PRDM4: variants seen among roughly 807,000 people sequenced by gnomAD.
PRDM4 encodes the protein PR/SET domain 4.
PRDM4 carries 38 observed loss-of-function variants against 62.3 expected under a neutral mutation model. That is an observed-to-expected ratio of 0.61 (90% CI 0.47 to 0.80). The LOEUF (loss-of-function observed/expected upper bound fraction) is 0.80, where lower values mean the gene tolerates loss of function less well. PRDM4 is among the 30% of genes least tolerant of loss of function. The pLI, the probability that PRDM4 is intolerant of heterozygous loss-of-function variation, is 0.00. For synonymous variants in PRDM4, 339 were observed against 348.2 expected (o/e 0.97, Z 0.30); for missense variants, 858 against 997.1 (o/e 0.86, Z 1.88).
chr12:107,739,449 C>T lies in PRDM4; in HGVS notation c.2027G>A (p.Cys676Tyr). ...CATAAACAACTTGTCACAGTAATCA[C>T]ACTTAAGATTCTTCTCCCCAGTGTG... ...VIHTGEKNLK[C>Y]DYCDKLFMRR... Residue 676 changes from cysteine to tyrosine, a missense_variant, in exon 11 of 12, where the codon TGT becomes TAT. Physicochemically the swap from Cys to Tyr is radical, Grantham distance 194 (BLOSUM62 -2). Transcript: ENST00000228437. The T allele has an allele frequency of 6.2e-7, 1 of 1,613,958 alleles. No individual in the cohort carries two copies. Among genetic ancestry groups the T allele is most frequent in the Non-Finnish European group, 8.5e-7 (1 of 1,179,858 alleles).
chr12:107,747,797 C>T (rs1216841505), intron 5 of PRDM4, among the ~76,000 whole-genome samples: 1 of 151,924 alleles, frequency 6.6e-6, no homozygotes, highest in African/African-American at 2.4e-5. Context: ...ATCTATCTGT[C>T]TTTTCTTTTT....
Position 107,746,296 on chromosome 12 carries a change from A to G in PRDM4, c.1255T>C (p.Ser419Pro). The change falls in exon 6 of 12, where the codon TCA becomes CCA. Residue 419 changes from serine (S) to proline (P), a missense_variant. Transcript: ENST00000228437. The stretch of plus-strand genomic sequence containing the variant: ...TTACCAACTTCTGCTCCCACAATTG[A>G]CTGACGGAGAACAAGCTGCTTTGGG... ...SLPKQLVLRQ[S>P]IVGAEVGVWT... 6.2e-7 allele frequency: 1 copy of G among 1,613,954 alleles called. No individual in the cohort carries two copies. The highest frequency in any genetic ancestry group is 8.5e-7 in the Non-Finnish European group (1 of 1,179,960).
rs1212476076 is a variant in PRDM4, at chr12:107,733,605, T to C, written c.*605A>G. The C allele has an allele frequency of 4.6e-5, 7 of 152,570 alleles. No individual in the cohort carries two copies. The highest frequency in any genetic ancestry group is 4.6e-4 in the Admixed American group (7 of 15,288). The allele number at this position is 152,570 out of a possible 1,614,324, so 9.5% of individuals were successfully genotyped here. A position where few individuals can be genotyped will look rare whatever the true frequency, so the allele number is the denominator to read the frequency against. On this transcript the variant is annotated 3_prime_UTR_variant, in exon 12 of 12. Transcript: ENST00000228437. ...CTACTGACTGACTGCTGCTTTTTTA[T>C]TTGCCCTCCAGGCACCTGCCGAAAC...
chr12:107,748,534 G>A (rs564999405), intron 5 of PRDM4, among the ~76,000 whole-genome samples: 2 of 152,322 alleles, frequency 1.3e-5, no homozygotes, highest in African/African-American at 4.8e-5. Flanking sequence ...CTACAACATG[G>A]ATGAGACAGA....
intron 3 of PRDM4, 64 bp downstream of exon 3, chr12:107,756,768 A>G (rs369476747): frequency 1.3e-6 from 2 of 1,586,268 alleles, no homozygotes; most frequent in East Asian, 2.2e-5. Context: ...TCTCTTCTAG[A>G]CTCCATTTAG....
intron 11 of PRDM4, among the ~76,000 whole-genome samples, chr12:107,737,233 T>G (rs1890362609): frequency 6.6e-6 from 1 of 151,948 alleles, no homozygotes; most frequent in Non-Finnish European, 1.5e-5. Flanking sequence ...GCTGTAGCTG[T>G]TTTTTTTAAG....
intron 4 of PRDM4, 93 bp from the exon 5 acceptor site, chr12:107,752,302 A>T: frequency 1.1e-6 from 1 of 872,868 alleles, no homozygotes; most frequent in South Asian, 1.7e-5. Context: ...AACATAACTA[A>T]GTTCAAATAA....
Position 107,740,936 on chromosome 12 carries a change from C to G in PRDM4, c.1924+10G>C. 1 of 1,605,434 alleles carries G rather than the reference C, an allele frequency of 6.2e-7. No homozygotes were observed. Among genetic ancestry groups the G allele is most frequent in the Non-Finnish European group, 8.5e-7 (1 of 1,174,020 alleles). ...CAAAAATTCCATTCTGATGGGCCAA[C>G]ACAACTTACCTGTATGTATCTTGAG... On this transcript the variant is annotated intron_variant, in intron 10 of 11. Transcript: ENST00000228437.
At position 107,743,264 on chromosome 12, in the gene PRDM4, G is replaced by A; in HGVS notation, c.1414C>T (p.Leu472=). 1 of 1,612,548 alleles carries A rather than the reference G, an allele frequency of 6.2e-7. No homozygotes were observed. The highest frequency in any genetic ancestry group is 8.5e-7 in the Non-Finnish European group (1 of 1,178,726). ...HIWKIYHNGV[L]EFCIITTDEN... The stretch of plus-strand genomic sequence containing the variant: ...TCAGTTGTAATGATGCAGAATTCTA[G>A]GACACCATTGTGGTATATCTGCCAA... The change falls in exon 8 of 12, where the codon CTA becomes TTA. Residue 472 remains leucine (L), a synonymous_variant. Transcript: ENST00000228437.
Position 107,753,991 on chromosome 12 carries a change from T to C in PRDM4, c.264A>G (p.Arg88=), listed in dbSNP as rs901940035. Residue 88 remains arginine (R), a synonymous_variant, in exon 4 of 12, where the codon AGA becomes AGG. Coordinates refer to ENST00000228437, the MANE Select transcript of PRDM4 (RefSeq NM_012406.4). The part of the protein sequence containing the change: ...DRGVMCGLPE[R]NYTLPPPPYP... ...AAGGTGGTGGAGGTAGGGTGTAGTT[T>C]CTTTCAGGTAACCCACACATCACCC... is the stretch of plus-strand genomic sequence containing the variant. 1 of 1,614,150 alleles carries C rather than the reference T, an allele frequency of 6.2e-7. No homozygotes were observed. Among genetic ancestry groups the C allele is most frequent in the Non-Finnish European group, 8.5e-7 (1 of 1,180,018 alleles).
intron 5 of PRDM4, among the ~76,000 whole-genome samples, chr12:107,748,608 T>C (rs1279813972): frequency 1.3e-5 from 2 of 152,214 alleles, no homozygotes; most frequent in African/African-American, 2.4e-5. Context: ...ATTCCATTTA[T>C]ATGAAATATC....
chr12:107,738,573 C>T (rs1378445364), intron 11 of PRDM4: 1 of 152,180 alleles, frequency 6.6e-6, no homozygotes, highest in Non-Finnish European at 1.5e-5. Context: ...CTAAGGACAA[C>T]AAAATCCATC....
intron 8 of PRDM4, 112 bp downstream of exon 8, chr12:107,743,085 G>T: frequency 1.2e-6 from 1 of 860,228 alleles, no homozygotes; most frequent in South Asian, 1.6e-5. Flanking sequence ...CTTTAAGTAT[G>T]TCCAGGTGTT....
chr12:107,734,013 T>G lies in PRDM4; in HGVS notation c.*197A>C. ...CCACCACTTAAAACAGGACACATGC[T>G]CAGTTTTCCCAATCTGTTTTAAAGT... is the stretch of plus-strand genomic sequence containing the variant. On this transcript the variant is annotated 3_prime_UTR_variant, in exon 12 of 12. Transcript: ENST00000228437. 1.7e-6 allele frequency: 1 copy of G among 572,562 alleles called. No homozygotes were observed. Among genetic ancestry groups the G allele is most frequent in the Non-Finnish European group, 3.0e-6 (1 of 337,708 alleles). The allele number at this position is 572,562 out of a possible 1,614,324, so 35.5% of individuals were successfully genotyped here.
At chr12:107,749,476 T>A (rs1193107619) in intron 5 of PRDM4, among the ~76,000 whole-genome samples, 1 of 151,588 alleles carries the variant, frequency 6.6e-6, no homozygotes, top group Non-Finnish European at 1.5e-5. Context: ...TCAAATGATC[T>A]TTCTGCCTCA....
Position 107,752,212 on chromosome 12 carries a change from G to A in PRDM4, c.332-3C>T, listed in dbSNP as rs377053902. On this transcript the variant is annotated splice_region_variant and splice_polypyrimidine_tract_variant and intron_variant, in intron 4 of 11. Transcript: ENST00000228437. ...GTCAGCTAAATAAGATAAAATGCCT[G>A]AGAAAAGGAAAAGATGAGATATCAG... 1.9e-4 allele frequency: 290 copies of A among 1,553,646 alleles called. 1 individual carries two copies. The Middle Eastern group carries it at 2.9e-3, about 15-fold the overall frequency.
chr12:107,742,010 C>T (rs904451694), intron 9 of PRDM4, among the ~76,000 whole-genome samples: 4 of 152,212 alleles, frequency 2.6e-5, no homozygotes, highest in South Asian at 2.1e-4. Flanking sequence ...CATAAAAGAC[C>T]GTATCATATG....
Position 107,746,486 on chromosome 12 carries a change from A to G in PRDM4, c.1127-62T>C, listed in dbSNP as rs376210729. On this transcript the variant is annotated intron_variant, in intron 5 of 11. Transcript: ENST00000228437. ...AGTTCAAGCAGGCTAAATTACCACC[A>G]CGGTTTTTTTTTTTTTTGAGACAAA... 6.0e-5 allele frequency: 78 copies of G among 1,290,126 alleles called. 1 individual carries two copies. The African/African-American group carries it at 1.1e-3, about 18-fold the overall frequency. 79.9% of individuals were successfully genotyped at this position (1,290,126 alleles called of 1,614,324 possible). A position where few individuals can be genotyped will look rare whatever the true frequency, so the allele number is the denominator to read the frequency against.
rs747002627 is a variant in PRDM4, at chr12:107,734,230, A to G, written c.2386T>C (p.Ser796Pro). The G allele has an allele frequency of 3.9e-5, 63 of 1,598,260 alleles. No homozygotes were observed. Among genetic ancestry groups the G allele is most frequent in the Admixed American group, 8.8e-5 (5 of 56,688 alleles). ...TCCTTTTATTTATGTGCAGAAAGAG[A>G]CTCATCCGCTGAATACACAGCACTG... The part of the protein sequence containing the change: ...INSAVYSADE[S>P]LSAHK Residue 796 changes from serine (S) to proline (P), a missense_variant, in exon 12 of 12, where the codon TCT (serine) becomes CCT (proline). Physicochemically the swap from Ser to Pro is moderately conservative, Grantham distance 74 (BLOSUM62 -1). Transcript: ENST00000228437.
Sources: allele counts gnomAD v4.1 joint callset (sites outside exome capture counted in the v4.1 genomes callset), GRCh38; gene constraint gnomAD v4.1.1; transcripts MANE v1.5; gene names NCBI Gene and HGNC (gene_info 2026-07-23, HGNC 2026-07-21).